The following SRGAP2B variants were observed in gnomAD, a reference collection of about 807,000 sequenced individuals.
SRGAP2B encodes SLIT-ROBO Rho GTPase-activating protein 2B.
Under a neutral mutation model 22.2 loss-of-function variants are expected in SRGAP2B, and 9 were observed. The observed-to-expected ratio is 0.41, with a 90% CI of 0.24 to 0.71. The LOEUF is 0.71. Ranked by LOEUF, SRGAP2B falls within the 30% of genes least tolerant of loss-of-function variation. The pLI is 0.35. For synonymous variants in SRGAP2B, 36 were observed against 87.4 expected, an observed-to-expected ratio of 0.41 and a Z score of 3.28; for missense variants, 114 against 235.8, an observed-to-expected ratio of 0.48 and a Z score of 3.38.
At chr1:145,036,459 T>G (rs1264384529) in intron 2 of SRGAP2B, among the ~76,000 whole-genome samples, 2 of 79,464 alleles carry the variant, frequency 2.5e-5, no homozygotes, top group Non-Finnish European at 4.8e-5. Context: ...ATTAATAGTA[T>G]CAGCTACCAC....
intron 2 of SRGAP2B, among the ~76,000 whole-genome samples, chr1:144,997,269 A>G (rs1243197032): frequency 2.7e-5 from 4 of 150,720 alleles, no homozygotes; most frequent in Non-Finnish European, 5.9e-5. Flanking sequence ...TCTACTAAAA[A>G]TACAAAAAAA....
intron 2 of SRGAP2B, among the ~76,000 whole-genome samples, chr1:145,012,283 G>A (rs1672110936): frequency 6.8e-6 from 1 of 146,022 alleles, no homozygotes; most frequent in East Asian, 2.0e-4. Context: ...CTCAATAAAG[G>A]CACATTGAAT....
chr1:145,088,911 T>A (rs1553635902), intron 2 of SRGAP2B, among the ~76,000 whole-genome samples: 1 of 147,546 alleles, frequency 6.8e-6, no homozygotes. Context: ...TGGAAAATAT[T>A]CAAGAAAAAA....
In SRGAP2B at chr1:144,970,663, T is replaced by C. The variant is rs1433982295; in HGVS notation, c.261-15062A>G. Among the ~76,000 whole-genome samples the C allele has an allele frequency of 6.5e-5, 9 of 139,044 alleles. 1 individual carries two copies. The highest frequency in any genetic ancestry group is 2.5e-4 in the African/African-American group (9 of 36,120). The allele number at this position is 139,044 out of a possible 152,430, so 91.2% of individuals were successfully genotyped here. ...AAAGTATTAAAAAAAAAAAAAAGCA[T>C]GATTCAGTGTAGTTGTAGTGCTAGA... On this transcript the variant is annotated intron_variant, in intron 3 of 9. Coordinates refer to ENST00000612199, the Ensembl canonical transcript of SRGAP2B.
intron 4 of SRGAP2B, among the ~76,000 whole-genome samples, chr1:144,944,241 AG>A (rs1666300040): frequency 6.6e-6 from 1 of 150,662 alleles, no homozygotes; most frequent in African/African-American, 2.5e-5. Flanking sequence ...TGTAAAAAAA[AG>A]TCAAGAGGAA....
chr1:145,076,186 A>C (rs1359288788), intron 2 of SRGAP2B, among the ~76,000 whole-genome samples: 2 of 150,010 alleles, frequency 1.3e-5, no homozygotes, highest in Non-Finnish European at 3.0e-5. Flanking sequence ...ATTACAAAAA[A>C]CTACCTCCAT....
intron 4 of SRGAP2B, among the ~76,000 whole-genome samples, chr1:144,932,202 C>A (rs1284734141): frequency 6.7e-6 from 1 of 148,944 alleles, no homozygotes. Flanking sequence ...TGTCCTCTCC[C>A]CATGATCGTC....
intron 2 of SRGAP2B, among the ~76,000 whole-genome samples, chr1:145,007,133 G>A (rs4844801): frequency 4.7e-5 from 7 of 150,532 alleles, no homozygotes; most frequent in African/African-American, 1.7e-4. Context: ...AGGCAACCAC[G>A]ATTCCTCCCA....
At chr1:144,909,458 G>A (rs1160553564) in intron 5 of SRGAP2B, among the ~76,000 whole-genome samples, 1 of 143,922 alleles carries the variant, frequency 6.9e-6, no homozygotes, top group Admixed American at 6.9e-5. Context: ...GTGGTGGCGG[G>A]TGCCTGTAGT....
At chr1:144,944,431 A>G (rs1553608021) in intron 4 of SRGAP2B, among the ~76,000 whole-genome samples, 1 of 149,280 alleles carries the variant, frequency 6.7e-6, no homozygotes, top group Admixed American at 6.6e-5. Flanking sequence ...CCCCATCTCT[A>G]AAAAAATTAG....
intron 3 of SRGAP2B, among the ~76,000 whole-genome samples, chr1:144,973,189 G>A (rs1350269117): frequency 6.7e-6 from 1 of 149,566 alleles, no homozygotes; most frequent in African/African-American, 2.6e-5. Context: ...TTCTGTGAAA[G>A]TATTGTTCTC....
At chr1:145,068,918 TGTGTG>T (rs1651817118) in intron 2 of SRGAP2B, among the ~76,000 whole-genome samples, 4 of 146,988 alleles carry the variant, frequency 2.7e-5, no homozygotes, top group Admixed American at 6.9e-5. Flanking sequence ...TGTGTGTGTG[TGTGTG>T]TGTGTGTGTG....
rs1450610272 is a variant in SRGAP2B at position 144,940,821 on chromosome 1, C to T, written c.423+14618G>A. ...CTCCAAAAAAAAAAAAAAAAAAAGA[C>T]AACATAGCCAAAGAACCATAAGGAA... is the stretch of plus-strand genomic sequence containing the variant. On this transcript the variant is annotated intron_variant, in intron 4 of 9. Transcript: ENST00000612199. 3.8e-3 allele frequency among the ~76,000 whole-genome samples: 483 copies of T among 126,610 alleles called. 19 individuals are homozygous for T. Among genetic ancestry groups the T allele is most frequent in the Admixed American group, 0.029 (382 of 13,004 alleles). The allele number at this position is 126,610 out of a possible 152,430, so 83.1% of individuals were successfully genotyped here. A position where few individuals can be genotyped will look rare whatever the true frequency, so the allele number is the denominator to read the frequency against.
intron 4 of SRGAP2B, among the ~76,000 whole-genome samples, chr1:144,920,294 C>T (rs1553604178): frequency 6.7e-6 from 1 of 150,268 alleles, no homozygotes; most frequent in Non-Finnish European, 1.5e-5. Flanking sequence ...GATACAAGGT[C>T]TTGCTCTATT....
intron 2 of SRGAP2B, among the ~76,000 whole-genome samples, chr1:145,020,431 TAAA>T (rs782440915): frequency 1.2e-4 from 10 of 81,308 alleles, no homozygotes; most frequent in African/African-American, 3.1e-4. Context: ...CTTGTCTCTT[TAAA>T]AAAAAAAAAA....
At position 144,975,296 on chromosome 1, in the gene SRGAP2B, A is replaced by G. The variant is rs2790270; in HGVS notation, c.261-19695T>C. ...ATATAACTACATTGAAGGTCTGGAG[A>G]TTGAGGGATGCTATGGTTTGAATCT... On this transcript the variant is annotated intron_variant, in intron 3 of 9. Transcript: ENST00000612199. Among the ~76,000 whole-genome samples, 1,192 of 140,180 alleles carry G rather than the reference A, an allele frequency of 8.5e-3. 34 individuals carry two copies. The highest frequency in any genetic ancestry group is 0.035 in the African/African-American group (1,081 of 30,568). 92.0% of individuals were successfully genotyped at this position (140,180 alleles called of 152,430 possible). A position where few individuals can be genotyped will look rare whatever the true frequency, so the allele number is the denominator to read the frequency against.
At chr1:145,080,645 G>A (rs199490449) in intron 2 of SRGAP2B, among the ~76,000 whole-genome samples, 64,193 of 145,088 alleles carry the variant, frequency 0.44, 16,258 homozygotes, top group East Asian at 0.57. Context: ...CCGCATCCCA[G>A]GTTCAAGCAA....
rs1246188551 is a variant in SRGAP2B, at chr1:144,984,552, T to C, written c.260+10456A>G. Reference sequence around the variant, plus strand: ...TCCTGCACCAGGTGCTTTCCGTCTGTCTCTAGACTGTAAGCTCTAGGAGTA... The same window carrying C: ...TCCTGCACCAGGTGCTTTCCGTCTGCCTCTAGACTGTAAGCTCTAGGAGTA... On this transcript the variant is annotated intron_variant, in intron 3 of 9. Transcript: ENST00000612199. 1.2e-4 allele frequency among the ~76,000 whole-genome samples: 18 copies of C among 150,534 alleles called. 2 individuals are homozygous for C. The East Asian group carries it at 3.5e-3, about 29-fold the overall frequency.
chr1:145,020,030 G>C (rs149192587), intron 2 of SRGAP2B, among the ~76,000 whole-genome samples: 1 of 150,570 alleles, frequency 6.6e-6, no homozygotes, highest in Non-Finnish European at 1.5e-5. Context: ...CAATATCCAC[G>C]TGGCTTACAC....
Sources: gnomAD v4.1 joint callset for allele counts (sites outside exome capture counted in the v4.1 genomes callset) on GRCh38, gnomAD v4.1.1 for gene constraint, MANE v1.5 for transcripts, NCBI Gene and HGNC (gene_info 2026-07-23, HGNC 2026-07-21) for gene names.